The following MEIS2 variants were observed in gnomAD, a reference collection of about 807,000 sequenced individuals.
The protein encoded by MEIS2 is Meis homeobox 2, also known as homeobox protein Meis2.
MEIS2 carries 9 observed loss-of-function variants against 58.6 expected under a neutral mutation model. That is an observed-to-expected ratio of 0.15 (90% CI 0.09 to 0.27). The LOEUF (loss-of-function observed/expected upper bound fraction) is 0.27. Among genes scored for constraint, MEIS2 ranks in the 10% least tolerant of loss-of-function variants. The pLI, the probability that MEIS2 is intolerant of heterozygous loss-of-function variation, is 1.00. For synonymous variants in MEIS2, 221 were observed against 228.4 expected (o/e 0.97, Z 0.29); for missense variants, 427 against 635.0 (o/e 0.67, Z 3.52).
chr15:36,979,072 C>A (rs75987335), intron 8 of MEIS2, among the ~76,000 whole-genome samples: 12,811 of 152,136 alleles, frequency 0.084, 618 homozygotes, highest in African/African-American at 0.12. Flanking sequence ...GAAACTTGAA[C>A]TGCTCCACAA....
rs1555474187 is a variant in MEIS2, at chr15:37,098,423, A to AGAGAGG, written c.13-225_13-224insCCTCTC. ...GAGAGAGAGAGAGAGAGAGAGAGAG[A>AGAGAGG]GAAAATAAAAATAAAAACAAAGTCA... On this transcript the variant is annotated intron_variant, in intron 1 of 11. Coordinates refer to ENST00000561208, the MANE Select transcript of MEIS2 (RefSeq NM_170675.5). The AGAGAGG allele has an allele frequency of 2.1e-4, 247 of 1,194,670 alleles. 5 individuals carry two copies. In the African/African-American group the frequency reaches 3.1e-3, roughly 15 times the overall value. 74.0% of individuals were successfully genotyped at this position (1,194,670 alleles called of 1,614,324 possible). A position where few individuals can be genotyped will look rare whatever the true frequency, so the allele number is the denominator to read the frequency against.
rs555793762 is a variant in MEIS2 at position 36,968,620 on chromosome 15, C to G, written c.901-18220G>C. ...GTCTTCAGCAAAACTAGAGAATTCA[C>G]AAAATCCTTGATATGACTGGATTTC... On this transcript the variant is annotated intron_variant, in intron 8 of 11. Transcript: ENST00000561208. Among the ~76,000 whole-genome samples, 13 of 152,304 alleles carry G rather than the reference C, an allele frequency of 8.5e-5. No homozygotes were observed. In the South Asian group the frequency reaches 2.5e-3, roughly 29 times the overall value.
intron 8 of MEIS2, among the ~76,000 whole-genome samples, chr15:36,966,030 T>C (rs1486634214): frequency 1.3e-5 from 2 of 152,222 alleles, no homozygotes; most frequent in Non-Finnish European, 2.9e-5. Flanking sequence ...TCACAATTAA[T>C]GCAGAAACTG....
intron 6 of MEIS2, among the ~76,000 whole-genome samples, chr15:37,087,875 G>C (rs1206760694): frequency 6.6e-6 from 1 of 152,018 alleles, no homozygotes; most frequent in East Asian, 1.9e-4. Flanking sequence ...GGGCCAGTGG[G>C]GTGAAATGTA....
chr15:37,098,139 C>G lies in MEIS2; in HGVS notation c.73G>C (p.Gly25Arg), dbSNP rs760768956. 1.2e-6 allele frequency: 2 copies of G among 1,613,112 alleles called. No individual in the cohort carries two copies. The highest frequency in any genetic ancestry group is 3.3e-5 in the Admixed American group (2 of 59,924). The change falls in exon 2 of 12, where the codon GGA (glycine) becomes CGA (arginine). Residue 25 changes from glycine to arginine, a missense_variant. Physicochemically the swap from Gly to Arg is moderately radical, Grantham distance 125. Transcript: ENST00000561208. ...DGVGVPASMY[G>R]DPHAPRPIPP... ...ATCGGCCGCGGCGCGTGAGGGTCTC[C>G]GTACATGGAAGCGGGAACCCCTACT...
intron 9 of MEIS2, among the ~76,000 whole-genome samples, chr15:36,947,249 G>C (rs1410388266): frequency 6.6e-6 from 1 of 151,912 alleles, no homozygotes; most frequent in East Asian, 1.9e-4. Context: ...ATTTGGATTT[G>C]GTTGCATCAT....
intron 7 of MEIS2, among the ~76,000 whole-genome samples, chr15:37,049,996 A>T (rs2062846884): frequency 6.6e-6 from 1 of 152,206 alleles, no homozygotes; most frequent in South Asian, 2.1e-4. Flanking sequence ...AATAGATATT[A>T]TGCTGCTTAT....
chr15:36,982,231 T>G (rs777236867), intron 8 of MEIS2, among the ~76,000 whole-genome samples: 2 of 152,202 alleles, frequency 1.3e-5, no homozygotes, highest in Non-Finnish European at 2.9e-5. Flanking sequence ...AAGTGTACAA[T>G]ACAGGATTAC....
chr15:36,928,251 T>C (rs992845996), intron 9 of MEIS2, among the ~76,000 whole-genome samples: 1 of 152,188 alleles, frequency 6.6e-6, no homozygotes, highest in Admixed American at 6.5e-5. Flanking sequence ...TCCTACCATA[T>C]GCAGAAAAAT....
At chr15:36,983,071 A>T (rs1324240561) in intron 8 of MEIS2, among the ~76,000 whole-genome samples, 2 of 152,084 alleles carry the variant, frequency 1.3e-5, no homozygotes, top group Non-Finnish European at 2.9e-5. Flanking sequence ...TGTGGTTTGC[A>T]GATATTTTCT....
chr15:36,990,391 G>C (rs2060233421), intron 8 of MEIS2, among the ~76,000 whole-genome samples: 1 of 151,798 alleles, frequency 6.6e-6, no homozygotes, highest in Non-Finnish European at 1.5e-5. Context: ...TCAGCCAATA[G>C]AGCTAGTGTG....
intron 8 of MEIS2, among the ~76,000 whole-genome samples, chr15:37,025,545 A>T (rs891622681): frequency 2.0e-5 from 3 of 151,916 alleles, no homozygotes; most frequent in Non-Finnish European, 4.4e-5. Context: ...TTTTTTTTTT[A>T]AATGAATTAC....
At chr15:37,002,559 C>A (rs922008287) in intron 8 of MEIS2, among the ~76,000 whole-genome samples, 8 of 152,014 alleles carry the variant, frequency 5.3e-5, no homozygotes, top group African/African-American at 1.9e-4. Flanking sequence ...AAATAAAGAC[C>A]ACTAAATATT....
Position 37,093,636 on chromosome 15 carries a change from C to A in MEIS2, c.584G>T (p.Ser195Ile). ...IDLVIDERDG[S>I]SKSDHEELSG... ...AAGTTCTTCATGATCTGACTTGGAG[C>A]TGCCGTCTCTTTCATCAATGACGAG... The change falls in exon 6 of 12, where the codon AGC (serine) becomes ATC (isoleucine). Residue 195 changes from serine to isoleucine, a missense_variant. Physicochemically the swap from Ser to Ile is moderately radical, Grantham distance 142 (BLOSUM62 -2). Transcript: ENST00000561208. The A allele has an allele frequency of 6.2e-7, 1 of 1,614,194 alleles. No individual in the cohort carries two copies. The highest frequency in any genetic ancestry group is 8.5e-7 in the Non-Finnish European group (1 of 1,180,034).
At chr15:36,902,047 T>A (rs1380660642) in intron 9 of MEIS2, among the ~76,000 whole-genome samples, 1 of 152,214 alleles carries the variant, frequency 6.6e-6, no homozygotes, top group Non-Finnish European at 1.5e-5. Context: ...CTTCACTCTG[T>A]TTCCTATCTG....
intron 9 of MEIS2, among the ~76,000 whole-genome samples, chr15:36,942,036 T>C (rs1256245720): frequency 1.3e-5 from 2 of 152,140 alleles, no homozygotes; most frequent in African/African-American, 2.4e-5. Context: ...AAAGTGTATC[T>C]AGAGACACAG....
intron 9 of MEIS2, among the ~76,000 whole-genome samples, chr15:36,923,482 C>G (rs2057606369): frequency 6.6e-6 from 1 of 152,150 alleles, no homozygotes; most frequent in Admixed American, 6.5e-5. Context: ...GTCAAGCTAT[C>G]CCTGATGCCC....
chr15:37,073,437 C>T lies in MEIS2; in HGVS notation c.754+10334G>A, dbSNP rs746984945. 1.1e-4 allele frequency among the ~76,000 whole-genome samples: 16 copies of T among 151,900 alleles called. No homozygotes were observed. The East Asian group carries it at 1.2e-3, about 11-fold the overall frequency. On this transcript the variant is annotated intron_variant, in intron 7 of 11. Transcript: ENST00000561208. ...ACACACATCTTGGGAGAAGGTAAGC[C>T]GTTGAAGATAAGGACCCTTGTGATT...
intron 8 of MEIS2, among the ~76,000 whole-genome samples, chr15:36,986,579 T>C (rs1049550216): frequency 1.3e-5 from 2 of 152,210 alleles, no homozygotes; most frequent in Non-Finnish European, 2.9e-5. Context: ...ACAAGTAGTC[T>C]GGCAGTTCTC....
Sources: gnomAD v4.1 joint callset for allele counts (sites outside exome capture counted in the v4.1 genomes callset) on GRCh38, gnomAD v4.1.1 for gene constraint, MANE v1.5 for transcripts, NCBI Gene and HGNC (gene_info 2026-07-23, HGNC 2026-07-21) for gene names.